The following SRPRA variants were observed in gnomAD, a reference collection of about 807,000 sequenced individuals.
SRPRA encodes signal recognition particle receptor subunit alpha.
SRPRA carries 30 observed loss-of-function variants against 61.1 expected under a neutral mutation model. That is an observed-to-expected ratio of 0.49 (90% CI 0.37 to 0.67). The LOEUF is 0.67. SRPRA is among the 30% of genes least tolerant of loss of function. SRPRA has a pLI of 0.00. For missense variants in SRPRA, 759 were observed against 828.4 expected, an observed-to-expected ratio of 0.92 and a Z score of 1.03; for synonymous variants, 324 against 299.7, an observed-to-expected ratio of 1.08 and a Z score of -0.84.
rs1950778021 is a variant in SRPRA, at chr11:126,265,026, C to A, written c.1458G>T (p.Met486Ile). 6.2e-7 allele frequency: 1 copy of A among 1,614,190 alleles called. No individual in the cohort carries two copies. ...CATAGCCCTTTTCAAACAACTGCAC[C>A]ATGGTGCGGCCACCATGCTTCTCTG... ...HPPEKHGGRT[M>I]VQLFEKGYGK... is the part of the protein sequence containing the mutation. Residue 486 changes from methionine (M) to isoleucine (I), a missense_variant, in exon 11 of 14, where the codon ATG becomes ATT. Met to Ile is a conservative substitution (Grantham distance 10). Transcript: ENST00000332118. This position sits in a 1 kb window ranked among gnomAD's most constrained non-coding sequence, Gnocchi z 6.3.
the SRPRA span, among the ~76,000 whole-genome samples, chr11:126,250,018 GC>G: frequency 6.6e-6 from 1 of 151,788 alleles, no homozygotes; most frequent in Non-Finnish European, 1.5e-5. The surrounding 1 kb of genome is among the most constrained non-coding windows in gnomAD (Gnocchi z 5.1). Context: ...TAAGCATTGT[GC>G]TAAGCACTTG....
At chr11:126,261,999 A>T (rs1019113753), downstream of SRPRA, 18 of 902,576 alleles carry the variant, frequency 2.0e-5, no homozygotes, top group African/African-American at 2.6e-4. Context: ...AAATTACAAG[A>T]TTCCTAGAAT....
Position 126,266,580 on chromosome 11 carries a change from G to A in SRPRA, c.736C>T (p.Arg246Trp), listed in dbSNP as rs375608376. The A allele has an allele frequency of 8.1e-6, 13 of 1,614,050 alleles. No individual in the cohort carries two copies. Among genetic ancestry groups the A allele is most frequent in the South Asian group, 1.1e-5 (1 of 91,090 alleles). ...APKEKGKKAPRVWELGGCANK... is the reference protein window; with the variant it reads ...APKEKGKKAPWVWELGGCANK... ...GCACAGCCACCCAGTTCCCACACCC[G>A]GGGTGCTTTTTTGCCCTTCTCCTTT... is the stretch of plus-strand genomic sequence containing the variant. The change falls in exon 6 of 14, where the codon CGG becomes TGG. Residue 246 changes from arginine (R) to tryptophan (W), a missense_variant. This residue lies in a region of SRPRA where 475 missense variants were observed against 462.5 expected (regional missense o/e 1.03). Transcript: ENST00000332118.
downstream of SRPRA, chr11:126,260,907 T>C (rs945042538): frequency 6.5e-6 from 1 of 153,940 alleles, no homozygotes; most frequent in Non-Finnish European, 1.4e-5. Flanking sequence ...AGGAGCCACA[T>C]GTGGCTGGTG....
At position 126,264,273 on chromosome 11, in the gene SRPRA, G is replaced by C; in HGVS notation, c.1706C>G (p.Ala569Gly). 2 of 1,613,970 alleles carry C rather than the reference G, an allele frequency of 1.2e-6. No individual in the cohort carries two copies. Among genetic ancestry groups the C allele is most frequent in the Non-Finnish European group, 1.7e-6 (2 of 1,179,956 alleles). The change falls in exon 13 of 14, where the codon GCC becomes GGC. Residue 569 changes from alanine to glycine, a missense_variant. Ala to Gly is a moderately conservative substitution (Grantham distance 60). Around this residue, in one of 2 missense-constraint regions of SRPRA, gnomAD observed 284 missense variants for 365.9 expected, o/e 0.78. Coordinates refer to ENST00000332118, the MANE Select transcript of SRPRA (RefSeq NM_003139.4). This position sits in a 1 kb window ranked among gnomAD's most constrained non-coding sequence, Gnocchi z 5.0. ...CTGAGCCATAGAATGGTCAGCCAAG[G>C]CTCTGTTGAACTTGACCTGGAAAGA... ...AVDQLVKFNR[A>G]LADHSMAQTP... is the part of the protein sequence containing the mutation.
chr11:126,249,479 TCC>T, the SRPRA span, among the ~76,000 whole-genome samples: 7,749 of 144,780 alleles, frequency 0.054, 343 homozygotes, highest in East Asian at 0.17. Flanking sequence ...ACACCTGTAA[TCC>T]CAGCACTTTG....
At position 126,265,678 on chromosome 11, in the gene SRPRA, A is replaced by G; in HGVS notation, c.1138+59T>C. On this transcript the variant is annotated intron_variant, in intron 9 of 13. Coordinates refer to ENST00000332118, the MANE Select transcript of SRPRA (RefSeq NM_003139.4). The surrounding 1 kb of genome is among the most constrained non-coding windows in gnomAD (Gnocchi z 6.3). Reference sequence around the variant, plus strand: ...GCCGAAAGTCACATACCTAGTAAGAACTGAGGTCTATGCACTTAACCTACA... The same window carrying G: ...GCCGAAAGTCACATACCTAGTAAGAGCTGAGGTCTATGCACTTAACCTACA... 1 of 1,565,368 alleles carries G rather than the reference A, an allele frequency of 6.4e-7. No homozygotes were observed. Among genetic ancestry groups the G allele is most frequent in the Non-Finnish European group, 8.8e-7 (1 of 1,137,282 alleles).
intron 1 of SRPRA, 23 bp from the exon 2 acceptor site, chr11:126,268,109 T>G: frequency 6.2e-7 from 1 of 1,609,924 alleles, no homozygotes. Flanking sequence ...TATGTCTCAG[T>G]GTTCAGACTA....
At chr11:126,237,780 C>T in the SRPRA span, among the ~76,000 whole-genome samples, 1 of 142,870 alleles carries the variant, frequency 7.0e-6, no homozygotes, top group African/African-American at 2.6e-5. Context: ...TCACTTGAAC[C>T]TGGGAGGCGG....
At chr11:126,249,688 C>T in the SRPRA span, among the ~76,000 whole-genome samples, 1 of 142,192 alleles carries the variant, frequency 7.0e-6, no homozygotes, top group Non-Finnish European at 1.5e-5. Context: ...GCCGAGATCA[C>T]GCCACTGCAC....
Position 126,265,256 on chromosome 11 carries a change from AACTGC to A in SRPRA, c.1311+7_1311+11del, listed in dbSNP as rs749684484. 8.7e-5 allele frequency: 140 copies of A among 1,613,750 alleles called. No individual in the cohort carries two copies. Among genetic ancestry groups the A allele is most frequent in the Non-Finnish European group, 1.1e-4 (132 of 1,179,750 alleles). Reference sequence around the variant, plus strand: ...CAGAAATATCAGCGATAGGCTGGGGAACTGCACTGACCTTGGCAAGATTAGTAGAT... The same window carrying A: ...CAGAAATATCAGCGATAGGCTGGGGAACTGACCTTGGCAAGATTAGTAGAT... On this transcript the variant is annotated splice_region_variant and intron_variant, in intron 10 of 13. Transcript: ENST00000332118. The surrounding 1 kb of genome is among the most constrained non-coding windows in gnomAD (Gnocchi z 6.3).
At chr11:126,254,847 A>C in the SRPRA span, among the ~76,000 whole-genome samples, 1 of 152,136 alleles carries the variant, frequency 6.6e-6, no homozygotes, top group Non-Finnish European at 1.5e-5. Flanking sequence ...AAGAAACTGG[A>C]AAGTCAGACG....
the SRPRA span, among the ~76,000 whole-genome samples, chr11:126,247,661 C>T: frequency 6.6e-6 from 1 of 151,966 alleles, no homozygotes; most frequent in African/African-American, 2.4e-5. Context: ...AGTTCAAGAC[C>T]AGCCTAGCCA....
downstream of SRPRA, among the ~76,000 whole-genome samples, chr11:126,258,851 G>A (rs1407392956): frequency 6.6e-6 from 1 of 152,198 alleles, no homozygotes; most frequent in Non-Finnish European, 1.5e-5. Context: ...AAATAAATAT[G>A]TCTTTAGACT....
Position 126,266,193 on chromosome 11 carries a change from T to A in SRPRA, c.926A>T (p.Lys309Ile). 6.2e-7 allele frequency: 1 copy of A among 1,614,106 alleles called. No individual in the cohort carries two copies. Among genetic ancestry groups the A allele is most frequent in the Non-Finnish European group, 8.5e-7 (1 of 1,180,020 alleles). Reference sequence around the variant, plus strand: ...CCACCTGAAATTCCCCTACCTAGGTTTGGTAGAGTTTTGAGCAGCCCCTTC... The same window carrying A: ...CCACCTGAAATTCCCCTACCTAGGTATGGTAGAGTTTTGAGCAGCCCCTTC... ...DDEGAAQNST[K>I]PSATKGTLGG... The change falls in exon 7 of 14, where the codon AAA (lysine) becomes ATA (isoleucine). Residue 309 changes from lysine to isoleucine, a missense_variant. Lys to Ile is a moderately radical substitution (Grantham distance 102, BLOSUM62 -3). Around this residue, in one of 2 missense-constraint regions of SRPRA, gnomAD observed 475 missense variants for 462.5 expected, o/e 1.03. Coordinates refer to ENST00000332118, the MANE Select transcript of SRPRA (RefSeq NM_003139.4).
chr11:126,255,344 G>A, the SRPRA span, among the ~76,000 whole-genome samples: 1 of 152,128 alleles, frequency 6.6e-6, no homozygotes, highest in Non-Finnish European at 1.5e-5. The surrounding 1 kb of genome is among the most constrained non-coding windows in gnomAD (Gnocchi z 4.6). Flanking sequence ...TGAGGCAAAA[G>A]ACCGAGAAAA....
the SRPRA span, among the ~76,000 whole-genome samples, chr11:126,243,645 T>C: frequency 6.6e-6 from 1 of 152,136 alleles, no homozygotes; most frequent in Non-Finnish European, 1.5e-5. Context: ...GGCTCACACC[T>C]GTAATCCTAG....
chr11:126,252,800 C>T, the SRPRA span, among the ~76,000 whole-genome samples: 38 of 152,050 alleles, frequency 2.5e-4, no homozygotes, highest in African/African-American at 7.7e-4. This position sits in a 1 kb window ranked among gnomAD's most constrained non-coding sequence, Gnocchi z 4.7. Context: ...TTTGGGTGGC[C>T]GAGGTGGGTG....
At chr11:126,240,290 CTGAGGT>C in the SRPRA span, among the ~76,000 whole-genome samples, 1 of 148,604 alleles carries the variant, frequency 6.7e-6, no homozygotes, top group Non-Finnish European at 1.5e-5. Flanking sequence ...TTTTTTTTGC[CTGAGGT>C]TAATGTTTAC....
Sources: allele counts gnomAD v4.1 joint callset (sites outside exome capture counted in the v4.1 genomes callset), GRCh38; gene constraint gnomAD v4.1.1; regional missense constraint gnomAD v4.1.1; non-coding constraint Gnocchi (gnomAD v3.1); transcripts MANE v1.5; gene names NCBI Gene and HGNC (gene_info 2026-07-23, HGNC 2026-07-21).